The following SPIRE2 variants were observed in gnomAD, a reference collection of about 807,000 sequenced individuals.
The protein encoded by SPIRE2 is spire type actin nucleation factor 2, also known as protein spire homolog 2.
SPIRE2 carries 76 observed loss-of-function variants against 80.7 expected under a neutral mutation model. The ratio of observed to expected loss-of-function variants is 0.94; its 90% confidence interval spans 0.78 to 1.14. The LOEUF (loss-of-function observed/expected upper bound fraction) is 1.14. Among genes scored for constraint, SPIRE2 ranks in the 50% most tolerant of loss-of-function variants. SPIRE2 has a pLI of 0.00. For synonymous variants in SPIRE2, 535 were observed against 432.6 expected (o/e 1.24, Z -2.94); for missense variants, 1,196 against 1,015.3 (o/e 1.18, Z -2.42).
At chr16:89,839,121 C>T (rs34562649) in intron 1 of SPIRE2, among the ~76,000 whole-genome samples, 106,699 of 151,958 alleles carry the variant, frequency 0.7, 39,337 homozygotes, top group East Asian at 0.98. Context: ...GCGGGTGGAT[C>T]ACGAGGTCAG....
At chr16:89,849,851 T>G in intron 2 of SPIRE2, 1 of 265,782 alleles carries the variant, frequency 3.8e-6, no homozygotes, top group Non-Finnish European at 7.4e-6. Flanking sequence ...CTTCTTTTTT[T>G]TTTTGAGACA....
intron 1 of SPIRE2, among the ~76,000 whole-genome samples, chr16:89,830,475 G>A (rs1425222927): frequency 6.6e-6 from 1 of 151,328 alleles, no homozygotes; most frequent in African/African-American, 2.4e-5. Context: ...TCCTTGTGGT[G>A]CTTCTGAGTC....
intron 2 of SPIRE2, chr16:89,849,867 T>C (rs959167792): frequency 1.7e-5 from 5 of 292,504 alleles, no homozygotes; most frequent in Non-Finnish European, 2.6e-5. Flanking sequence ...AGACAGAGTC[T>C]TGCTTTGTCA....
intron 3 of SPIRE2, among the ~76,000 whole-genome samples, chr16:89,852,671 A>T (rs78416458): frequency 1.4e-3 from 13 of 8,998 alleles, no homozygotes; most frequent in Admixed American, 3.2e-3. Flanking sequence ...ATGGCCCGTC[A>T]TCCGTCTTCT....
intron 2 of SPIRE2, chr16:89,845,754 C>T: frequency 1.6e-6 from 1 of 610,380 alleles, no homozygotes. Flanking sequence ...GAAACCCCAC[C>T]CGACCAAAAC....
chr16:89,869,073 T>TATATATATATATATATATATATAG (rs2041816518), intron 13 of SPIRE2, among the ~76,000 whole-genome samples: 1 of 49,178 alleles, frequency 2.0e-5, no homozygotes, highest in African/African-American at 9.5e-5. Context: ...TATATATATA[T>TATATATATATATATATATATATAG]ATGTTACCCC....
At chr16:89,845,548 G>C in intron 2 of SPIRE2, 183 bp downstream of exon 2, 1 of 725,412 alleles carries the variant, frequency 1.4e-6, no homozygotes, top group Non-Finnish European at 2.5e-6. Flanking sequence ...AGCAGACGTG[G>C]AGGAGACCGC....
rs544301146 is a variant in SPIRE2, at chr16:89,831,610, A to C, written c.244+2816A>C. On this transcript the variant is annotated intron_variant, in intron 1 of 14. Coordinates refer to ENST00000378247, the MANE Select transcript of SPIRE2 (RefSeq NM_032451.2). ...GACTGGGTTTCACTGTGTTAGCCAG[A>C]ATGGTCTCGATCTCCTGACCTCATG... 3.8e-4 allele frequency among the ~76,000 whole-genome samples: 56 copies of C among 147,224 alleles called. 1 individual carries two copies. The highest frequency in any genetic ancestry group is 1.4e-3 in the African/African-American group (55 of 40,358).
intron 3 of SPIRE2, among the ~76,000 whole-genome samples, chr16:89,851,125 A>G (rs561642162): frequency 6.6e-5 from 10 of 152,226 alleles, no homozygotes; most frequent in African/African-American, 2.4e-4. Flanking sequence ...CTGGCCTCAC[A>G]CTTTCTTCTT....
In SPIRE2 at chr16:89,854,626, G is replaced by A. The variant is rs983284847; in HGVS notation, c.866G>A (p.Arg289Gln). Residue 289 changes from arginine (R) to glutamine (Q), a missense_variant, in exon 5 of 15, where the codon CGG becomes CAG. Coordinates refer to ENST00000378247, the MANE Select transcript of SPIRE2 (RefSeq NM_032451.2). The part of the protein sequence containing the change: ...FEMLMQDIRA[R>Q]NYKLRKVMVD... ...ATGCTGATGCAGGACATCCGGGCCC[G>A]GAACTACAAGCTGCGCAAGGTCATG... is the stretch of plus-strand genomic sequence containing the variant. 48 of 1,612,568 alleles carry A rather than the reference G, an allele frequency of 3.0e-5. No homozygotes were observed. Among genetic ancestry groups the A allele is most frequent in the Non-Finnish European group, 3.4e-5 (40 of 1,179,910 alleles).
Position 89,850,334 on chromosome 16 carries a change from C to A in SPIRE2, c.319C>A (p.Arg107Ser), listed in dbSNP as rs779522111. The A allele has an allele frequency of 6.2e-7, 1 of 1,601,402 alleles. No homozygotes were observed. Among genetic ancestry groups the A allele is most frequent in the African/African-American group, 1.3e-5 (1 of 74,848 alleles). Residue 107 changes from arginine (R) to serine (S), a missense_variant, in exon 3 of 15, where the codon CGC becomes AGC. Physicochemically the swap from Arg to Ser is moderately radical, Grantham distance 110 (BLOSUM62 -1). Coordinates refer to ENST00000378247, the MANE Select transcript of SPIRE2 (RefSeq NM_032451.2). ...GCAGTCCCTCGGCTTCGCCATCTAC[C>A]GCGCGCTGGACTGGGGGCTGGACGA... is the stretch of plus-strand genomic sequence containing the variant. ...TVQSLGFAIY[R>S]ALDWGLDESE...
At chr16:89,841,701 A>T (rs1567670836) in intron 1 of SPIRE2, among the ~76,000 whole-genome samples, 1 of 146,528 alleles carries the variant, frequency 6.8e-6, no homozygotes, top group South Asian at 2.1e-4. Flanking sequence ...ACGGTAAATA[A>T]TTTTTTTTTT....
chr16:89,857,552 T>A lies in SPIRE2; in HGVS notation c.1103-786T>A, dbSNP rs188238937. Among the ~76,000 whole-genome samples the A allele has an allele frequency of 2.8e-3, 432 of 152,254 alleles. 3 individuals are homozygous for A. Among genetic ancestry groups the A allele is most frequent in the African/African-American group, 0.01 (418 of 41,576 alleles). ...AGAAAATAGAATAAAAGCAAATTTT[T>A]AAAATGTTTTTCTTTTCTTTTCCTT... is the stretch of plus-strand genomic sequence containing the variant. On this transcript the variant is annotated intron_variant, in intron 7 of 14. Coordinates refer to ENST00000378247, the MANE Select transcript of SPIRE2 (RefSeq NM_032451.2).
intron 13 of SPIRE2, 54 bp downstream of exon 13, chr16:89,868,270 C>T: frequency 1.3e-6 from 2 of 1,586,900 alleles, no homozygotes; most frequent in South Asian, 1.1e-5. Context: ...AGGGGCTCCA[C>T]TGGCTTTGAT....
intron 13 of SPIRE2, among the ~76,000 whole-genome samples, chr16:89,869,051 A>AC (rs1179428409): frequency 3.3e-5 from 1 of 30,578 alleles, no homozygotes; most frequent in African/African-American, 2.2e-4. Flanking sequence ...AAAAAAAAAA[A>AC]AAATATATAT....
At position 89,870,276 on chromosome 16, in the gene SPIRE2, C is replaced by T. The variant is rs541576028; in HGVS notation, c.*4C>T. On this transcript the variant is annotated 3_prime_UTR_variant, in exon 15 of 15. Coordinates refer to ENST00000378247, the MANE Select transcript of SPIRE2 (RefSeq NM_032451.2). ...CAGGACTCTTGACTTCAAGTGACAG[C>T]CCCAGGTGGCCAGGCCTCCAGGAGG... is the stretch of plus-strand genomic sequence containing the variant. The T allele has an allele frequency of 1.9e-6, 3 of 1,581,352 alleles. No individual in the cohort carries two copies. Among genetic ancestry groups the T allele is most frequent in the African/African-American group, 1.3e-5 (1 of 74,604 alleles).
intron 8 of SPIRE2, among the ~76,000 whole-genome samples, chr16:89,858,826 G>A (rs908586384): frequency 2.0e-5 from 3 of 152,190 alleles, no homozygotes; most frequent in African/African-American, 7.2e-5. Context: ...TGAAAAGGTG[G>A]ACCCAGCGAG....
At chr16:89,849,512 C>T (rs1441547261) in intron 2 of SPIRE2, among the ~76,000 whole-genome samples, 1 of 152,190 alleles carries the variant, frequency 6.6e-6, no homozygotes, top group Non-Finnish European at 1.5e-5. Flanking sequence ...TATGAGAACC[C>T]TTTAAGACAT....
At chr16:89,831,816 G>A (rs958905596) in intron 1 of SPIRE2, among the ~76,000 whole-genome samples, 1 of 151,154 alleles carries the variant, frequency 6.6e-6, no homozygotes, top group Non-Finnish European at 1.5e-5. Flanking sequence ...CCGGCTCTCA[G>A]GCCATCTGCC....
Sources: gnomAD v4.1 joint callset for allele counts (sites outside exome capture counted in the v4.1 genomes callset) on GRCh38, gnomAD v4.1.1 for gene constraint, MANE v1.5 for transcripts, NCBI Gene and HGNC (gene_info 2026-07-23, HGNC 2026-07-21) for gene names.